Variants in ZBED6 observed in about 807,000 individuals in gnomAD.
ZBED6 encodes zinc finger BED-type containing 6, also known as zinc finger BED domain-containing protein 6.
A neutral mutation model predicts 58.4 loss-of-function variants in ZBED6; 40 were observed. The observed-to-expected ratio is 0.68, with a 90% CI of 0.53 to 0.89. ZBED6 has a LOEUF of 0.89. Ranked by LOEUF, ZBED6 falls within the 40% of genes least tolerant of loss-of-function variation. ZBED6 has a pLI of 0.00. For missense variants in ZBED6, 1,057 were observed against 1,003.9 expected, an observed-to-expected ratio of 1.05 and a Z score of -0.71; for synonymous variants, 439 against 350.6, an observed-to-expected ratio of 1.25 and a Z score of -2.82.
At chr1:203,850,061 A>G in intron 14 of ZBED6, 35 bp downstream of exon 14, 1 of 1,589,428 alleles carries the variant, frequency 6.3e-7, no homozygotes, top group Non-Finnish European at 8.6e-7. Context: ...GCTTTAGGTT[A>G]TCAAAATTAC....
exon 1 of ZBED6, chr1:203,797,715 A>G: frequency 6.5e-7 from 1 of 1,535,186 alleles, no homozygotes. Context: ...AAAGAAAAGA[A>G]AGAAGGGTTT....
At chr1:203,819,969 G>C (rs549567717) in intron 3 of ZBED6, among the ~76,000 whole-genome samples, 4 of 150,936 alleles carry the variant, frequency 2.7e-5, no homozygotes, top group African/African-American at 9.7e-5. Context: ...GGGCTCAGTG[G>C]CTCACGCCTG....
At chr1:203,840,833 C>T (rs1174752548) in intron 11 of ZBED6, among the ~76,000 whole-genome samples, 2 of 151,936 alleles carry the variant, frequency 1.3e-5, no homozygotes, top group Admixed American at 6.6e-5. Flanking sequence ...GGGGTTTCAC[C>T]ATGTTGGTCA....
At position 203,829,574 on chromosome 1, in the gene ZBED6, T is replaced by C. The variant is rs1009605306; in HGVS notation, c.*3121T>C. 17 of 1,614,040 alleles carry C rather than the reference T, an allele frequency of 1.1e-5. No individual in the cohort carries two copies. The highest frequency in any genetic ancestry group is 1.7e-5 in the Admixed American group (1 of 59,998). On this transcript the variant is annotated 3_prime_UTR_variant, in exon 5 of 17. Transcript: ENST00000550078. ...CCTCAGCTGCGGAGCGTTATGAAAG[T>C]AGAAAGTTCCGAAAATGTTCCTAGC...
At chr1:203,839,532 C>T (rs1685434621) in intron 10 of ZBED6, among the ~76,000 whole-genome samples, 1 of 152,112 alleles carries the variant, frequency 6.6e-6, no homozygotes, top group Non-Finnish European at 1.5e-5. Flanking sequence ...TCCCCTTGCC[C>T]AAGGGACTTT....
intron 3 of ZBED6, among the ~76,000 whole-genome samples, chr1:203,823,277 C>G (rs1363381665): frequency 1.3e-5 from 2 of 152,154 alleles, no homozygotes; most frequent in East Asian, 3.9e-4. Context: ...CTGGAAGAAT[C>G]CGTGTGCCTG....
chr1:203,823,416 C>T (rs577612619), intron 3 of ZBED6, among the ~76,000 whole-genome samples: 34 of 152,318 alleles, frequency 2.2e-4, no homozygotes, highest in African/African-American at 7.7e-4. Context: ...CCAGGATTTT[C>T]ATTGGTGCTA....
At chr1:203,797,848 A>G in exon 1 of ZBED6, 1 of 1,536,148 alleles carries the variant, frequency 6.5e-7, no homozygotes, top group South Asian at 1.2e-5. Context: ...GACCCTGAGC[A>G]GGATGAAGAA....
exon 1 of ZBED6, chr1:203,799,810 C>G: frequency 2.9e-6 from 4 of 1,377,306 alleles, no homozygotes; most frequent in Non-Finnish European, 3.0e-6. Flanking sequence ...AAATCCAAGC[C>G]CTGTATCTTG....
chr1:203,800,025 G>C, exon 1 of ZBED6: 1 of 1,536,106 alleles, frequency 6.5e-7, no homozygotes, highest in Non-Finnish European at 8.7e-7. Flanking sequence ...ATCTCTAAAA[G>C]AAGGCACCTC....
At chr1:203,848,571 T>C (rs542415683) in intron 13 of ZBED6, among the ~76,000 whole-genome samples, 164 bp downstream of exon 13, 26 of 152,332 alleles carry the variant, frequency 1.7e-4, no homozygotes, top group Admixed American at 6.5e-4. Flanking sequence ...GTTCTATGTA[T>C]ATCAGTATTC....
At chr1:203,830,682 A>G (rs1053922340) in intron 7 of ZBED6, among the ~76,000 whole-genome samples, 3 of 151,846 alleles carry the variant, frequency 2.0e-5, no homozygotes, top group African/African-American at 7.3e-5. Context: ...GGTGGCATGC[A>G]CCTGTAGTCC....
exon 1 of ZBED6, chr1:203,800,680 T>G (rs1670290883): frequency 7.4e-6 from 3 of 403,658 alleles, no homozygotes; most frequent in Non-Finnish European, 1.3e-5. Context: ...AAATTTTGCT[T>G]ATACCAATGA....
chr1:203,848,442 GCAAA>G (rs1558145610), intron 13 of ZBED6, 35 bp downstream of exon 13: 2 of 1,509,668 alleles, frequency 1.3e-6, no homozygotes, highest in East Asian at 2.3e-5. Flanking sequence ...TTTGTTCATG[GCAAA>G]CAAAGGCTAG....
chr1:203,822,318 A>T (rs1460912608), intron 3 of ZBED6, among the ~76,000 whole-genome samples: 1 of 151,938 alleles, frequency 6.6e-6, no homozygotes, highest in Non-Finnish European at 1.5e-5. Context: ...CTCCACAAGG[A>T]CACCTTTCTC....
intron 10 of ZBED6, 134 bp from the exon 11 acceptor site, chr1:203,840,172 C>CA (rs75699030): frequency 0.15 from 116,489 of 796,078 alleles, 10,404 homozygotes; most frequent in Admixed American, 0.31. Flanking sequence ...GTCCTGACCT[C>CA]AAGTGATCAG....
exon 5 of ZBED6, chr1:203,829,600 C>T: frequency 6.2e-7 from 1 of 1,614,064 alleles, no homozygotes; most frequent in Non-Finnish European, 8.5e-7. Flanking sequence ...TGTTCCTAGC[C>T]CCACGCATCC....
chr1:203,810,856 G>T (rs923241921), intron 1 of ZBED6, among the ~76,000 whole-genome samples: 1 of 151,796 alleles, frequency 6.6e-6, no homozygotes, highest in African/African-American at 2.4e-5. Context: ...TTAGTTGTGG[G>T]CCAGACGCTC....
At chr1:203,797,911 C>G (rs1281062492) in exon 1 of ZBED6, 3 of 1,535,994 alleles carry the variant, frequency 2.0e-6, no homozygotes, top group Admixed American at 2.0e-5. Context: ...AGTACTAGAG[C>G]CAAGACCTCC....
Sources: gnomAD v4.1 joint callset for allele counts (sites outside exome capture counted in the v4.1 genomes callset) on GRCh38, gnomAD v4.1.1 for gene constraint, MANE v1.5 for transcripts, NCBI Gene and HGNC (gene_info 2026-07-23, HGNC 2026-07-21) for gene names.